Variants in ADAM18 observed in about 807,000 individuals in gnomAD.
ADAM18 encodes the protein disintegrin and metalloproteinase domain-containing protein 18.
Under a neutral mutation model 94.4 loss-of-function variants are expected in ADAM18, and 117 were observed. That is an observed-to-expected ratio of 1.24 (90% CI 1.07 to 1.45). The LOEUF (loss-of-function observed/expected upper bound fraction) is 1.45. Ranked by LOEUF, ADAM18 falls within the 40% of genes most tolerant of loss-of-function variation. ADAM18 has a pLI of 0.00. For missense variants in ADAM18, 936 were observed against 880.0 expected, an observed-to-expected ratio of 1.06 and a Z score of -0.81; for synonymous variants, 327 against 291.6, an observed-to-expected ratio of 1.12 and a Z score of -1.24.
At chr8:39,702,984 G>C (rs772504267) in intron 17 of ADAM18, among the ~76,000 whole-genome samples, 2 of 152,004 alleles carry the variant, frequency 1.3e-5, no homozygotes, top group Non-Finnish European at 2.9e-5. Context: ...TTGCTTCCCA[G>C]TGAATTTTAA....
chr8:39,624,083 AT>A (rs1819695244), intron 6 of ADAM18, among the ~76,000 whole-genome samples: 1 of 151,930 alleles, frequency 6.6e-6, no homozygotes, highest in African/African-American at 2.4e-5. Context: ...GTTTACAAAT[AT>A]TTTCTCCCCT....
intron 17 of ADAM18, among the ~76,000 whole-genome samples, chr8:39,705,990 A>G (rs1314143637): frequency 1.3e-5 from 2 of 152,136 alleles, no homozygotes; most frequent in African/African-American, 2.4e-5. Context: ...TTTGATATAT[A>G]TGAATGAAAC....
intron 14 of ADAM18, among the ~76,000 whole-genome samples, chr8:39,672,975 G>C (rs973833091): frequency 6.6e-6 from 1 of 152,152 alleles, no homozygotes; most frequent in Non-Finnish European, 1.5e-5. Flanking sequence ...CTCAGACCTA[G>C]TGTATATAAT....
chr8:39,618,563 CA>C (rs1819515725), intron 6 of ADAM18, among the ~76,000 whole-genome samples: 1 of 152,118 alleles, frequency 6.6e-6, no homozygotes, highest in Admixed American at 6.6e-5. Context: ...ACAGTTGCAG[CA>C]AAAGCTGGTT....
chr8:39,636,164 A>G (rs1820071042), intron 7 of ADAM18, among the ~76,000 whole-genome samples: 2 of 152,126 alleles, frequency 1.3e-5, no homozygotes, highest in Non-Finnish European at 1.5e-5. Flanking sequence ...GACTACAGGC[A>G]TGCACCACAA....
rs763478637 is a variant in ADAM18 at position 39,668,027 on chromosome 8, G to A, written c.1356G>A (p.Lys452=). 4 of 1,614,010 alleles carry A rather than the reference G, an allele frequency of 2.5e-6. No homozygotes were observed. Among genetic ancestry groups the A allele is most frequent in the South Asian group, 1.1e-5 (1 of 91,070 alleles). Residue 452 remains lysine, a synonymous_variant, in exon 14 of 20, where the codon AAG becomes AAA. Coordinates refer to ENST00000265707, the MANE Select transcript of ADAM18 (RefSeq NM_014237.3). ...CAATAGCAGGCACTCCATGTAGAAAGAGTATTGATCCAGAGTGTGATTTTA... is the reference window on the plus strand; with the variant it reads ...CAATAGCAGGCACTCCATGTAGAAAAAGTATTGATCCAGAGTGTGATTTTA... ...ELSIAGTPCR[K]SIDPECDFTE... is the part of the protein sequence containing the mutation.
chr8:39,697,302 A>T (rs550546946), intron 17 of ADAM18, among the ~76,000 whole-genome samples: 1 of 151,648 alleles, frequency 6.6e-6, no homozygotes, highest in Admixed American at 6.6e-5. Context: ...AGACTACATT[A>T]TCTGCAAATA....
chr8:39,606,408 G>A (rs911449738), intron 3 of ADAM18, 46 bp downstream of exon 3: 17 of 1,305,842 alleles, frequency 1.3e-5, no homozygotes, highest in Non-Finnish European at 1.7e-5. Context: ...AAAGCTTTAA[G>A]TTTAGATTTT....
intron 6 of ADAM18, among the ~76,000 whole-genome samples, chr8:39,622,630 G>A (rs901997182): frequency 4.6e-5 from 7 of 151,998 alleles, no homozygotes; most frequent in Middle Eastern, 3.4e-3. Context: ...TAACTTGTAA[G>A]TAGTTTTAGT....
intron 6 of ADAM18, among the ~76,000 whole-genome samples, chr8:39,619,079 C>T (rs935957874): frequency 6.6e-6 from 1 of 152,060 alleles, no homozygotes; most frequent in Non-Finnish European, 1.5e-5. Context: ...CCAACAAGGG[C>T]ATTATATAAT....
intron 16 of ADAM18, among the ~76,000 whole-genome samples, chr8:39,691,396 A>G (rs1187581898): frequency 6.6e-6 from 1 of 152,132 alleles, no homozygotes; most frequent in Non-Finnish European, 1.5e-5. Flanking sequence ...AGTACAGCTA[A>G]TATGGAAAAC....
rs1821877000 is a variant in ADAM18, at chr8:39,694,793, T to A, written c.1902+2113T>A. Among the ~76,000 whole-genome samples the A allele has an allele frequency of 4.6e-5, 7 of 151,694 alleles. No homozygotes were observed. The South Asian group carries it at 1.2e-3, about 27-fold the overall frequency. ...TATTAACTACTGTCTACAGTTTACATTGAGTTTAATTCTTTGTACATTCTA... is the reference window on the plus strand; with the variant it reads ...TATTAACTACTGTCTACAGTTTACAATGAGTTTAATTCTTTGTACATTCTA... On this transcript the variant is annotated intron_variant, in intron 17 of 19. Transcript: ENST00000265707.
intron 7 of ADAM18, among the ~76,000 whole-genome samples, chr8:39,632,674 G>A (rs904307581): frequency 8.6e-5 from 13 of 151,998 alleles, no homozygotes; most frequent in Admixed American, 3.9e-4. Context: ...CATCAAATAA[G>A]TTAGTGAGTT....
intron 6 of ADAM18, among the ~76,000 whole-genome samples, chr8:39,624,926 C>T (rs565447112): frequency 9.9e-5 from 15 of 152,262 alleles, no homozygotes; most frequent in South Asian, 2.1e-4. Flanking sequence ...CCTGTGGAAC[C>T]GTAAGCCAAT....
chr8:39,625,296 T>G (rs1819729695), intron 6 of ADAM18, among the ~76,000 whole-genome samples: 1 of 152,176 alleles, frequency 6.6e-6, no homozygotes, highest in African/African-American at 2.4e-5. Flanking sequence ...TTTTTGCAGC[T>G]GTTGTAACAG....
chr8:39,729,975 G>C lies in ADAM18; in HGVS notation c.*35G>C. On this transcript the variant is annotated 3_prime_UTR_variant, in exon 20 of 20. Transcript: ENST00000265707. ...GAACTTCCATAGCAAATAACCTAAA[G>C]GAACGAATGTGCTTTATTTATAACC... 5.0e-6 allele frequency: 8 copies of C among 1,587,784 alleles called. No individual in the cohort carries two copies. The highest frequency in any genetic ancestry group is 6.9e-6 in the Non-Finnish European group (8 of 1,156,492).
chr8:39,714,344 T>C (rs1208464636), intron 18 of ADAM18, among the ~76,000 whole-genome samples: 1 of 151,950 alleles, frequency 6.6e-6, no homozygotes, highest in South Asian at 2.1e-4. Context: ...ATGTAAATGA[T>C]GAGTTGATGG....
chr8:39,718,013 A>G (rs1026418481), intron 18 of ADAM18, among the ~76,000 whole-genome samples: 1 of 151,534 alleles, frequency 6.6e-6, no homozygotes, highest in East Asian at 1.9e-4. Flanking sequence ...AAGGAAATAA[A>G]AATCAGAACC....
chr8:39,599,723 C>G (rs1372272125), intron 2 of ADAM18, among the ~76,000 whole-genome samples: 20 of 151,894 alleles, frequency 1.3e-4, no homozygotes, highest in Non-Finnish European at 2.9e-5. Context: ...TCTTATTATC[C>G]ATTGTTGTTA....
Sources: gnomAD v4.1 joint callset for allele counts (sites outside exome capture counted in the v4.1 genomes callset) on GRCh38, gnomAD v4.1.1 for gene constraint, MANE v1.5 for transcripts, NCBI Gene and HGNC (gene_info 2026-07-23, HGNC 2026-07-21) for gene names.